EPHB1: variants seen among roughly 807,000 people sequenced by gnomAD.
The protein encoded by EPHB1 is EPH receptor B1.
A neutral mutation model predicts 94.4 loss-of-function variants in EPHB1; 30 were observed. The ratio of observed to expected loss-of-function variants is 0.32; its 90% confidence interval spans 0.24 to 0.43. The LOEUF (loss-of-function observed/expected upper bound fraction) is 0.43. EPHB1 is among the 20% of genes least tolerant of loss of function. The pLI is 1.00. For synonymous variants in EPHB1, 522 were observed against 489.1 expected (o/e 1.07, Z -0.89); for missense variants, 1,055 against 1,308.3 (o/e 0.81, Z 2.99).
At chr3:134,920,200 T>C (rs767595476) in intron 1 of EPHB1, among the ~76,000 whole-genome samples, 2 of 151,966 alleles carry the variant, frequency 1.3e-5, no homozygotes, top group African/African-American at 2.4e-5. Flanking sequence ...TCCATGGGAG[T>C]TACTAAAAAT....
chr3:134,823,169 T>G (rs1364051320), intron 1 of EPHB1, among the ~76,000 whole-genome samples: 4 of 152,204 alleles, frequency 2.6e-5, no homozygotes, highest in African/African-American at 9.7e-5. Flanking sequence ...TAAAAGCCAT[T>G]AAGTCACTCA....
At chr3:135,092,646 C>T (rs1326062285) in intron 3 of EPHB1, among the ~76,000 whole-genome samples, 8 of 131,670 alleles carry the variant, frequency 6.1e-5, no homozygotes, top group African/African-American at 2.2e-4. Context: ...TTCTTTCCTT[C>T]TGGCAGAGTC....
chr3:135,059,048 A>T (rs562019184), intron 3 of EPHB1, among the ~76,000 whole-genome samples: 1 of 151,924 alleles, frequency 6.6e-6, no homozygotes, highest in South Asian at 2.1e-4. Flanking sequence ...CAAGTGTGAC[A>T]GATATTATCA....
At chr3:135,095,128 A>C (rs1488081554) in intron 3 of EPHB1, among the ~76,000 whole-genome samples, 1 of 152,130 alleles carries the variant, frequency 6.6e-6, no homozygotes, top group Admixed American at 6.5e-5. Context: ...CCCCAAAGTT[A>C]TAGGGACAGG....
rs75019169 is a variant in EPHB1, at chr3:135,027,707, C to A, written c.805+75655C>A. The stretch of plus-strand genomic sequence containing the variant: ...TCTCTTTTTTGGTTGTGTCTCTGCC[C>A]GGCTTTGGTATCAGAATGATGCTGG... On this transcript the variant is annotated intron_variant, in intron 3 of 15. Transcript: ENST00000398015. Among the ~76,000 whole-genome samples the A allele has an allele frequency of 2.0e-4, 30 of 146,678 alleles. 1 individual carries two copies. Among genetic ancestry groups the A allele is most frequent in the African/African-American group, 6.9e-4 (28 of 40,312 alleles).
chr3:135,042,611 C>A (rs1433673024), intron 3 of EPHB1, among the ~76,000 whole-genome samples: 4 of 152,282 alleles, frequency 2.6e-5, no homozygotes, highest in Admixed American at 2.6e-4. Flanking sequence ...TGGTCTGGGT[C>A]TTGCTTATTG....
chr3:135,038,641 G>A (rs1438589141), intron 3 of EPHB1, among the ~76,000 whole-genome samples: 3 of 152,176 alleles, frequency 2.0e-5, no homozygotes, highest in Non-Finnish European at 4.4e-5. Context: ...TGGCGCGTCT[G>A]GAGTCTGTCC....
At chr3:134,857,966 C>G (rs980511315) in intron 1 of EPHB1, among the ~76,000 whole-genome samples, 1 of 152,120 alleles carries the variant, frequency 6.6e-6, no homozygotes, top group Admixed American at 6.5e-5. Context: ...AGTCAACCCC[C>G]CTGTTACCAC....
intron 15 of EPHB1, among the ~76,000 whole-genome samples, chr3:135,251,456 A>C (rs1339703097): frequency 2.0e-5 from 3 of 151,386 alleles, no homozygotes; most frequent in Non-Finnish European, 4.4e-5. Flanking sequence ...TAGTCTGAGA[A>C]TAATCAATGA....
chr3:134,976,468 T>C (rs1934196104), intron 3 of EPHB1, among the ~76,000 whole-genome samples: 1 of 152,196 alleles, frequency 6.6e-6, no homozygotes. Context: ...TTGCTAACTT[T>C]CTAATATCAT....
chr3:134,898,291 C>G (rs1004108064), intron 1 of EPHB1, among the ~76,000 whole-genome samples: 1 of 152,062 alleles, frequency 6.6e-6, no homozygotes, highest in Admixed American at 6.5e-5. Flanking sequence ...GTCCCATTTT[C>G]AGATGAAAAA....
At chr3:135,106,306 C>G in intron 3 of EPHB1, 142 bp from the exon 4 acceptor site, 1 of 870,942 alleles carries the variant, frequency 1.1e-6, no homozygotes, top group Non-Finnish European at 1.7e-6. Context: ...ATATGGGTTT[C>G]CTCAACCTTA....
chr3:135,141,772 C>A (rs149668694), intron 5 of EPHB1, among the ~76,000 whole-genome samples: 82 of 152,204 alleles, frequency 5.4e-4, no homozygotes, highest in African/African-American at 1.6e-3. Flanking sequence ...CCACCAGTAA[C>A]CATGGAGGCA....
rs139880096 is a variant in EPHB1, at chr3:135,059,159, G to C, written c.806-47289G>C. Among the ~76,000 whole-genome samples, 4 of 152,312 alleles carry C rather than the reference G, an allele frequency of 2.6e-5. No individual in the cohort carries two copies. The East Asian group carries it at 7.7e-4, about 29-fold the overall frequency. ...GATTCTTCTGTACAGATTCTATTCT[G>C]TGGTAAAACTGGGGAACTTATGTTC... On this transcript the variant is annotated intron_variant, in intron 3 of 15. Coordinates refer to ENST00000398015, the MANE Select transcript of EPHB1 (RefSeq NM_004441.5).
chr3:135,099,668 C>T (rs1938960866), intron 3 of EPHB1, among the ~76,000 whole-genome samples: 1 of 152,136 alleles, frequency 6.6e-6, no homozygotes, highest in Admixed American at 6.6e-5. Context: ...GACATTTGGC[C>T]ACAGAAGTGA....
chr3:134,880,582 C>T (rs899642222), intron 1 of EPHB1, among the ~76,000 whole-genome samples: 3 of 152,208 alleles, frequency 2.0e-5, no homozygotes, highest in Non-Finnish European at 2.9e-5. Flanking sequence ...AAGAGATGAC[C>T]CCAACCACTT....
intron 12 of EPHB1, among the ~76,000 whole-genome samples, chr3:135,233,257 G>A (rs911099370): frequency 6.6e-6 from 1 of 152,202 alleles, no homozygotes; most frequent in Non-Finnish European, 1.5e-5. Flanking sequence ...TACAATGGGG[G>A]TACAGGCATT....
chr3:135,170,393 G>A (rs544212890), intron 9 of EPHB1, among the ~76,000 whole-genome samples: 1 of 150,610 alleles, frequency 6.6e-6, no homozygotes, highest in African/African-American at 2.4e-5. Flanking sequence ...GGAATATAGA[G>A]AATTTGGATT....
intron 10 of EPHB1, among the ~76,000 whole-genome samples, chr3:135,182,915 G>A (rs187770847): frequency 2.0e-5 from 3 of 152,010 alleles, no homozygotes; most frequent in African/African-American, 7.2e-5. Flanking sequence ...CATGGGAATG[G>A]GCAAATGCTA....
Sources: gnomAD v4.1 joint callset for allele counts (sites outside exome capture counted in the v4.1 genomes callset) on GRCh38, gnomAD v4.1.1 for gene constraint, MANE v1.5 for transcripts, NCBI Gene and HGNC (gene_info 2026-07-23, HGNC 2026-07-21) for gene names.